Variants in MYO5B observed in about 807,000 individuals in gnomAD.
MYO5B encodes unconventional myosin-Vb.
MYO5B carries 143 observed loss-of-function variants against 229.3 expected under a neutral mutation model. The observed-to-expected ratio is 0.62, with a 90% confidence interval of 0.54 to 0.72. The LOEUF is 0.72. Among genes scored for constraint, MYO5B ranks in the 30% least tolerant of loss-of-function variants. The pLI, the probability that MYO5B is intolerant of heterozygous loss-of-function variation, is 0.00. For missense variants in MYO5B, 2,321 were observed against 2,331.0 expected, an observed-to-expected ratio of 1.00 and a Z score of 0.09; for synonymous variants, 918 against 885.2, an observed-to-expected ratio of 1.04 and a Z score of -0.66.
At chr18:49,994,234 T>A (rs2025963350) in intron 5 of MYO5B, among the ~76,000 whole-genome samples, 1 of 152,202 alleles carries the variant, frequency 6.6e-6, no homozygotes, top group Non-Finnish European at 1.5e-5. Flanking sequence ...ACCCTCTGTG[T>A]TCATGAGGGC....
chr18:49,991,564 A>T (rs1389651476), intron 6 of MYO5B, among the ~76,000 whole-genome samples: 5 of 152,190 alleles, frequency 3.3e-5, no homozygotes, highest in African/African-American at 1.2e-4. Flanking sequence ...AACTAAAGGT[A>T]AGCGAAGAAC....
chr18:49,954,837 C>T (rs182447165), intron 12 of MYO5B, among the ~76,000 whole-genome samples: 12 of 152,350 alleles, frequency 7.9e-5, no homozygotes, highest in Non-Finnish European at 1.5e-5. Context: ...AGCTCACCCA[C>T]TCACCCAGGT....
At chr18:50,110,176 G>T (rs1186216567) in intron 1 of MYO5B, among the ~76,000 whole-genome samples, 1 of 152,062 alleles carries the variant, frequency 6.6e-6, no homozygotes, top group Admixed American at 6.5e-5. Context: ...AATGCTTCAA[G>T]TGTTTGGCCA....
chr18:50,088,167 G>A (rs1163972351), intron 1 of MYO5B, among the ~76,000 whole-genome samples: 1 of 152,198 alleles, frequency 6.6e-6, no homozygotes, highest in Admixed American at 6.5e-5. Context: ...GTGTCCAAAG[G>A]AGGGTAGAAG....
intron 1 of MYO5B, among the ~76,000 whole-genome samples, chr18:50,150,580 A>G (rs1234115847): frequency 6.6e-6 from 1 of 151,980 alleles, no homozygotes; most frequent in Admixed American, 6.6e-5. Context: ...AACTATCGCA[A>G]GAACAAAAAA....
At chr18:50,171,711 G>A (rs1310645940) in intron 1 of MYO5B, among the ~76,000 whole-genome samples, 1 of 128,252 alleles carries the variant, frequency 7.8e-6, no homozygotes, top group Non-Finnish European at 1.7e-5. Flanking sequence ...TCACATGGCT[G>A]CATAGAGGAG....
At chr18:49,912,423 G>A (rs759523060) in intron 17 of MYO5B, among the ~76,000 whole-genome samples, 74 of 152,246 alleles carry the variant, frequency 4.9e-4, no homozygotes, top group Admixed American at 1.2e-3. Context: ...ACTTCTTAGA[G>A]GACTAAACAG....
intron 17 of MYO5B, among the ~76,000 whole-genome samples, chr18:49,919,809 C>T (rs2025055508): frequency 6.6e-6 from 1 of 152,162 alleles, no homozygotes; most frequent in Admixed American, 6.5e-5. Context: ...ACAACAATTC[C>T]ACTCCAAGGT....
At chr18:50,065,042 C>A (rs1039274332) in intron 1 of MYO5B, among the ~76,000 whole-genome samples, 13 of 152,216 alleles carry the variant, frequency 8.5e-5, no homozygotes, top group African/African-American at 2.4e-4. Flanking sequence ...AACTTACACA[C>A]CTCACATACT....
rs1162397820 is a variant in MYO5B, at chr18:49,984,914, T to C, written c.839-89A>G. ...CCATGAAAATTCTACTCCGTTAGCA[T>C]GCTATCCCAGACTAAATTTTAGGCC... On this transcript the variant is annotated intron_variant, in intron 7 of 39. Transcript: ENST00000285039. The C allele has an allele frequency of 3.2e-6, 3 of 950,032 alleles. 1 individual carries two copies. In the Admixed American group the frequency reaches 5.5e-5, roughly 17 times the overall value. 58.9% of individuals were successfully genotyped at this position (950,032 alleles called of 1,614,324 possible).
intron 17 of MYO5B, among the ~76,000 whole-genome samples, chr18:49,915,070 C>T: frequency 6.6e-6 from 1 of 152,154 alleles, no homozygotes; most frequent in Non-Finnish European, 1.5e-5. Flanking sequence ...AGATGTCTAA[C>T]ACAGCCATGG....
intron 1 of MYO5B, among the ~76,000 whole-genome samples, chr18:50,135,808 G>T (rs2144278174): frequency 6.6e-6 from 1 of 152,302 alleles, no homozygotes; most frequent in South Asian, 2.1e-4. Flanking sequence ...CATGAACTTG[G>T]GAGGAAACAC....
chr18:49,938,941 C>T (rs2025281282), intron 14 of MYO5B, among the ~76,000 whole-genome samples: 1 of 151,872 alleles, frequency 6.6e-6, no homozygotes, highest in Non-Finnish European at 1.5e-5. Flanking sequence ...TCCTGGGACA[C>T]CCTCACCCCC....
chr18:49,927,621 C>CA (rs1332639499), intron 17 of MYO5B, among the ~76,000 whole-genome samples: 1 of 152,064 alleles, frequency 6.6e-6, no homozygotes, highest in Non-Finnish European at 1.5e-5. Context: ...TGATCTTTGA[C>CA]AAAGCAAAAA....
chr18:50,131,468 C>T (rs1214967748), intron 1 of MYO5B, among the ~76,000 whole-genome samples: 6 of 152,146 alleles, frequency 3.9e-5, no homozygotes, highest in African/African-American at 1.2e-4. Context: ...GGTACTGAGC[C>T]CACTCCCTCA....
At chr18:49,849,465 G>A in intron 32 of MYO5B, 102 bp downstream of exon 32, 2 of 876,228 alleles carry the variant, frequency 2.3e-6, no homozygotes, top group Non-Finnish European at 2.0e-6. Flanking sequence ...AGAAATCAGT[G>A]ATGTAGGAAG....
At chr18:49,952,360 T>A (rs1437942397) in intron 14 of MYO5B, among the ~76,000 whole-genome samples, 1 of 112,724 alleles carries the variant, frequency 8.9e-6, no homozygotes, top group Admixed American at 1.2e-4. Context: ...CGGCCCTGGG[T>A]TTCCTCTGCA....
chr18:49,999,692 C>T (rs1296100905), intron 5 of MYO5B, among the ~76,000 whole-genome samples: 1 of 152,196 alleles, frequency 6.6e-6, no homozygotes, highest in Admixed American at 6.5e-5. Context: ...CCCATCCTAT[C>T]TTTTTAATAG....
chr18:49,837,399 A>T (rs1350324515), intron 37 of MYO5B, 118 bp downstream of exon 37: 19 of 1,253,842 alleles, frequency 1.5e-5, no homozygotes, highest in Non-Finnish European at 2.2e-5. Flanking sequence ...GATGGAGACA[A>T]GGACTGTCAA....
Sources: allele counts gnomAD v4.1 joint callset (sites outside exome capture counted in the v4.1 genomes callset), GRCh38; gene constraint gnomAD v4.1.1; transcripts MANE v1.5; gene names NCBI Gene and HGNC (gene_info 2026-07-23, HGNC 2026-07-21).